The following SLC17A3 variants were observed in gnomAD, a reference collection of about 807,000 sequenced individuals.
SLC17A3 encodes solute carrier family 17 member 3, also known as sodium-dependent phosphate transport protein 4.
In SLC17A3, 61 loss-of-function variants were observed where a neutral mutation model predicts 60.3. The observed-to-expected ratio is 1.01, with a 90% CI of 0.82 to 1.25. The LOEUF (loss-of-function observed/expected upper bound fraction) is 1.25, where lower values mean the gene tolerates loss of function less well. SLC17A3 is among the 50% of genes most tolerant of loss of function. The probability of loss-of-function intolerance (pLI) is 0.00; values close to 1 mark genes in which losing one functional copy is unlikely to be tolerated. For missense variants in SLC17A3, 624 were observed against 594.9 expected (o/e 1.05, Z -0.51); for synonymous variants, 192 against 208.9 (o/e 0.92, Z 0.70).
chr6:25,869,818 G>C (rs752986157), intron 1 of SLC17A3, among the ~76,000 whole-genome samples: 1 of 151,994 alleles, frequency 6.6e-6, no homozygotes, highest in Non-Finnish European at 1.5e-5. Flanking sequence ...TTCAAGATGA[G>C]ATCTGGGTGG....
chr6:25,853,506 C>T (rs1765314504), intron 6 of SLC17A3, among the ~76,000 whole-genome samples: 1 of 148,884 alleles, frequency 6.7e-6, no homozygotes, highest in South Asian at 2.1e-4. Context: ...AGCTCCGCCT[C>T]CCGGGTTCAC....
In SLC17A3 at chr6:25,858,183, A is replaced by G. The variant is rs185931410; in HGVS notation, c.626-2953T>C. On this transcript the variant is annotated intron_variant, in intron 5 of 12. Transcript: ENST00000397060. ...GCTTCCTGTGGCTCATGATAAAAAC[A>G]AAACAAAACAAAACAAAACACACCC... Among the ~76,000 whole-genome samples, 280 of 140,544 alleles carry G rather than the reference A, an allele frequency of 2.0e-3. 2 individuals carry two copies. The highest frequency in any genetic ancestry group is 7.2e-3 in the Middle Eastern group (2 of 276). The allele number at this position is 140,544 out of a possible 152,430, so 92.2% of individuals were successfully genotyped here.
In SLC17A3 at chr6:25,845,590, A is replaced by G. The variant is rs1172462988; in HGVS notation, c.1363-74T>C. ...ATGAAACATTATATTAATAGTTCAGATGACAACATTCACTGGTGGGTTTCC... is the reference window on the plus strand; with the variant it reads ...ATGAAACATTATATTAATAGTTCAGGTGACAACATTCACTGGTGGGTTTCC... On this transcript the variant is annotated intron_variant, in intron 11 of 12. Coordinates refer to ENST00000397060, the MANE Select transcript of SLC17A3 (RefSeq NM_001098486.2). 3 of 1,539,146 alleles carry G rather than the reference A, an allele frequency of 1.9e-6. No homozygotes were observed. The East Asian group carries it at 6.8e-5, about 35-fold the overall frequency.
chr6:25,862,084 C>A, intron 3 of SLC17A3, 55 bp from the exon 4 acceptor site: 3 of 1,456,114 alleles, frequency 2.1e-6, no homozygotes, highest in East Asian at 2.4e-5. Context: ...TTCTTACATA[C>A]CCTAGAAAGC....
At chr6:25,845,648 T>C (rs1276285575) in intron 11 of SLC17A3, 132 bp from the exon 12 acceptor site, 4 of 1,005,240 alleles carry the variant, frequency 4.0e-6, no homozygotes, top group East Asian at 5.1e-5. Context: ...AGTGGCTTGA[T>C]AGTTAAATGC....
rs1765150421 is a variant in SLC17A3, at chr6:25,845,150, A to G, written c.*151T>C. 1 of 482,802 alleles carries G rather than the reference A, an allele frequency of 2.1e-6. No homozygotes were observed. Among genetic ancestry groups the G allele is most frequent in the African/African-American group, 1.9e-5 (1 of 51,722 alleles). The allele number at this position is 482,802 out of a possible 1,614,324, so 29.9% of individuals were successfully genotyped here. A position where few individuals can be genotyped will look rare whatever the true frequency, so the allele number is the denominator to read the frequency against. The stretch of plus-strand genomic sequence containing the variant: ...TTTTATTCATCTTACATTTCTCTCA[A>G]AAAAAAGTCTGAATAAAATAATGAA... On this transcript the variant is annotated 3_prime_UTR_variant, in exon 13 of 13. Transcript: ENST00000397060.
chr6:25,872,329 CAAAAA>C (rs35631811), intron 1 of SLC17A3, among the ~76,000 whole-genome samples: 2 of 95,308 alleles, frequency 2.1e-5, no homozygotes, highest in Non-Finnish European at 2.3e-5. Context: ...GCTTTAACGC[CAAAAA>C]AAAAAAAAAA....
At chr6:25,867,584 CTAAG>C (rs1324324552) in intron 2 of SLC17A3, among the ~76,000 whole-genome samples, 2 of 151,800 alleles carry the variant, frequency 1.3e-5, no homozygotes, top group Middle Eastern at 3.2e-3. Flanking sequence ...ATCTAATAAC[CTAAG>C]TAACATATAT....
chr6:25,871,637 TA>T (rs1374821165), intron 1 of SLC17A3, among the ~76,000 whole-genome samples: 2 of 151,464 alleles, frequency 1.3e-5, no homozygotes, highest in East Asian at 2.0e-4. Flanking sequence ...TAAAGTGTAA[TA>T]AAAAAATTAA....
intron 11 of SLC17A3, among the ~76,000 whole-genome samples, chr6:25,849,106 T>C (rs889266318): frequency 2.6e-5 from 4 of 152,222 alleles, no homozygotes; most frequent in Non-Finnish European, 5.9e-5. Flanking sequence ...GGTTGGCATT[T>C]ATGCATGGAA....
At chr6:25,865,899 G>C (rs146000300) in intron 2 of SLC17A3, among the ~76,000 whole-genome samples, 2 of 152,044 alleles carry the variant, frequency 1.3e-5, no homozygotes, top group East Asian at 3.9e-4. Context: ...TTTAACTACT[G>C]GAAGAGGGCA....
intron 5 of SLC17A3, among the ~76,000 whole-genome samples, chr6:25,855,746 C>T (rs1765347721): frequency 6.6e-6 from 1 of 152,040 alleles, no homozygotes; most frequent in African/African-American, 2.4e-5. Flanking sequence ...AATATTTTAA[C>T]TTTTATAGCT....
At chr6:25,853,307 A>G (rs1486268542) in intron 6 of SLC17A3, among the ~76,000 whole-genome samples, 2 of 133,314 alleles carry the variant, frequency 1.5e-5, no homozygotes, top group African/African-American at 5.8e-5. Flanking sequence ...CTCTCTCTCC[A>G]TCTGGCTAAA....
In SLC17A3 at chr6:25,862,233, C is replaced by T. The variant is rs766365403; in HGVS notation, c.303G>A (p.Lys101=). ...LSKAPKSLPA[K]APVYDWSPQI... Reference sequence around the variant, plus strand: ...CAAATTTATATCTTATGTTGCTTACCTTTGCAGGAAGACTCTTTGGGGCTT... The same window carrying T: ...CAAATTTATATCTTATGTTGCTTACTTTTGCAGGAAGACTCTTTGGGGCTT... The change falls in exon 3 of 13, where the codon AAG becomes AAA. Residue 101 remains lysine, a splice_region_variant and synonymous_variant. Coordinates refer to ENST00000397060, the MANE Select transcript of SLC17A3 (RefSeq NM_001098486.2). The T allele has an allele frequency of 1.2e-6, 2 of 1,610,368 alleles. No homozygotes were observed. Among genetic ancestry groups the T allele is most frequent in the East Asian group, 4.5e-5 (2 of 44,864 alleles).
At position 25,866,532 on chromosome 6, in the gene SLC17A3, A is replaced by C. The variant is rs191327118; in HGVS notation, c.91+1765T>G. Among the ~76,000 whole-genome samples the C allele has an allele frequency of 9.9e-5, 15 of 152,092 alleles. No individual in the cohort carries two copies. In the East Asian group the frequency reaches 2.9e-3, roughly 29 times the overall value. ...AGCCACAGAAACTGTAAGATAATAA[A>C]TGTATGTTGTTTCAGACTACTATGT... On this transcript the variant is annotated intron_variant, in intron 2 of 12. Transcript: ENST00000397060.
chr6:25,849,677 C>G, intron 10 of SLC17A3, 128 bp downstream of exon 10: 1 of 1,071,472 alleles, frequency 9.3e-7, no homozygotes, highest in Non-Finnish European at 1.4e-6. Flanking sequence ...CTGAAAAAAA[C>G]GGCCACAGGT....
chr6:25,849,756 A>T, intron 10 of SLC17A3, 49 bp downstream of exon 10: 10 of 1,595,354 alleles, frequency 6.3e-6, no homozygotes, highest in Non-Finnish European at 8.6e-6. Flanking sequence ...GCTGAAAGCT[A>T]AATCTTTTAA....
In SLC17A3 at chr6:25,847,109, T is replaced by C. The variant is rs1223745645; in HGVS notation, c.1363-1593A>G. Among the ~76,000 whole-genome samples the C allele has an allele frequency of 3.3e-5, 5 of 152,250 alleles. No individual in the cohort carries two copies. The South Asian group carries it at 8.3e-4, about 25-fold the overall frequency. Reference sequence around the variant, plus strand: ...CTCTCAAGTAAGATCCAGTGTCTGTTGTTCCCCTCCTTGTGTCCATGAATG... The same window carrying C: ...CTCTCAAGTAAGATCCAGTGTCTGTCGTTCCCCTCCTTGTGTCCATGAATG... On this transcript the variant is annotated intron_variant, in intron 11 of 12. Transcript: ENST00000397060.
At chr6:25,851,729 T>C (rs905982610) in intron 6 of SLC17A3, among the ~76,000 whole-genome samples, 4 of 152,130 alleles carry the variant, frequency 2.6e-5, no homozygotes, top group Admixed American at 2.6e-4. Flanking sequence ...GAGTCTATGA[T>C]TCTATTTTGT....
Sources: allele counts gnomAD v4.1 joint callset (sites outside exome capture counted in the v4.1 genomes callset), GRCh38; gene constraint gnomAD v4.1.1; transcripts MANE v1.5; gene names NCBI Gene and HGNC (gene_info 2026-07-23, HGNC 2026-07-21).